The following HTR3B variants were observed in gnomAD, a reference collection of about 807,000 sequenced individuals.
HTR3B encodes 5-hydroxytryptamine receptor 3B.
Under a neutral mutation model 42.8 loss-of-function variants are expected in HTR3B, and 44 were observed. That is an observed-to-expected ratio of 1.03 (90% confidence interval 0.81 to 1.32). HTR3B has a LOEUF of 1.32. Among genes scored for constraint, HTR3B ranks in the 40% most tolerant of loss-of-function variants. HTR3B has a pLI of 0.00. For missense variants in HTR3B, 527 were observed against 536.5 expected (o/e 0.98, Z 0.17); for synonymous variants, 203 against 209.0 (o/e 0.97, Z 0.25).
chr11:113,902,296 T>C (rs1949701792), upstream of HTR3B, among the ~76,000 whole-genome samples: 1 of 152,088 alleles, frequency 6.6e-6, no homozygotes, highest in African/African-American at 2.4e-5. Flanking sequence ...TTTTGTTTTT[T>C]GTTTTTTTTT....
chr11:113,910,097 T>C (rs1348952358), intron 2 of HTR3B, among the ~76,000 whole-genome samples: 1 of 152,136 alleles, frequency 6.6e-6, no homozygotes, highest in Non-Finnish European at 1.5e-5. Flanking sequence ...GGTTCACATT[T>C]ATTATGATAA....
upstream of HTR3B, chr11:113,904,761 G>A (rs969536425): frequency 1.7e-5 from 10 of 596,114 alleles, no homozygotes; most frequent in African/African-American, 3.7e-5. Flanking sequence ...CATGGTGCTG[G>A]TATTGCCTTT....
In HTR3B at chr11:113,944,502, A is replaced by G. The variant is rs2137540765; in HGVS notation, c.908-71A>G. The stretch of plus-strand genomic sequence containing the variant: ...GGCAATAGAGCAAGACCCTGTCCCT[A>G]AAGAAAACAAAAAAATCTGATGCTG... On this transcript the variant is annotated intron_variant, in intron 7 of 8. Coordinates refer to ENST00000260191, the MANE Select transcript of HTR3B (RefSeq NM_006028.5). The G allele has an allele frequency of 2.7e-6, 4 of 1,505,708 alleles. No homozygotes were observed. The South Asian group carries it at 3.7e-5, about 14-fold the overall frequency. 93.3% of individuals were successfully genotyped at this position (1,505,708 alleles called of 1,614,324 possible).
upstream of HTR3B, chr11:113,904,721 T>A (rs1458786661): frequency 5.9e-6 from 3 of 512,720 alleles, no homozygotes; most frequent in Non-Finnish European, 7.0e-6. Flanking sequence ...GTTAAGGGAT[T>A]TCATGACGGC....
At position 113,909,387 on chromosome 11, in the gene HTR3B, C is replaced by T. The variant is rs965260232; in HGVS notation, c.145C>T (p.Pro49Ser). 9 of 1,613,916 alleles carry T rather than the reference C, an allele frequency of 5.6e-6. No individual in the cohort carries two copies. Among genetic ancestry groups the T allele is most frequent in the Non-Finnish European group, 7.6e-6 (9 of 1,179,770 alleles). ...LLQKYHKEVR[P>S]VYNWTKATTV... ...ACAGAAATATCATAAAGAAGTGAGA[C>T]CTGTTTACAACTGGACCAAGGCCAC... is the stretch of plus-strand genomic sequence containing the variant. Residue 49 changes from proline to serine, a missense_variant, in exon 2 of 9, where the codon CCT becomes TCT. By Grantham distance (74) the Pro-to-Ser change is moderately conservative (BLOSUM62 -1). Transcript: ENST00000260191.
At position 113,948,287 on chromosome 11, in the gene HTR3B, C is replaced by T. The variant is rs1308648633; in HGVS notation, c.*2150C>T. 6.6e-6 allele frequency among the ~76,000 whole-genome samples: 1 copy of T among 152,176 alleles called. No individual in the cohort carries two copies. Among genetic ancestry groups the T allele is most frequent in the Non-Finnish European group, 1.5e-5 (1 of 68,040 alleles). On this transcript the variant is annotated 3_prime_UTR_variant, in exon 9 of 9. Coordinates refer to ENST00000260191, the MANE Select transcript of HTR3B (RefSeq NM_006028.5). ...TCGATTCTGGCTTTCTCCACTTCCT[C>T]CTCCAGTTAACAGAGGAGGAAAGGA...
At chr11:113,937,452 C>T (rs924987858) in intron 6 of HTR3B, among the ~76,000 whole-genome samples, 55 of 152,204 alleles carry the variant, frequency 3.6e-4, no homozygotes, top group Non-Finnish European at 2.9e-4. Flanking sequence ...TGACATCTAT[C>T]ACAGATCCCC....
Position 113,932,558 on chromosome 11 carries a change from C to T in HTR3B, c.538+100C>T, listed in dbSNP as rs559462182. On this transcript the variant is annotated intron_variant, in intron 5 of 8. Transcript: ENST00000260191. ...CTATTTTATTCTTGCAGATAATTGGCTATTTAAAAATTGGAATCTCTTCTT... is the reference window on the plus strand; with the variant it reads ...CTATTTTATTCTTGCAGATAATTGGTTATTTAAAAATTGGAATCTCTTCTT... 1.1e-5 allele frequency: 12 copies of T among 1,086,162 alleles called. 1 individual carries two copies. In the South Asian group the frequency reaches 1.7e-4, roughly 15 times the overall value. The allele number at this position is 1,086,162 out of a possible 1,614,324, so 67.3% of individuals were successfully genotyped here. A position where few individuals can be genotyped will look rare whatever the true frequency, so the allele number is the denominator to read the frequency against.
At chr11:113,908,274 A>G (rs1324120070) in intron 1 of HTR3B, among the ~76,000 whole-genome samples, 1 of 152,196 alleles carries the variant, frequency 6.6e-6, no homozygotes, top group Non-Finnish European at 1.5e-5. Flanking sequence ...AAATGGGTAT[A>G]AACAGGATTG....
rs757805325 is a variant in HTR3B, at chr11:113,933,026, T to C, written c.629T>C (p.Leu210Pro). 3 of 1,614,186 alleles carry C rather than the reference T, an allele frequency of 1.9e-6. No individual in the cohort carries two copies. In the Admixed American group the frequency reaches 5.0e-5, roughly 27 times the overall value. ...AFLNDSEWEL[L>P]SVSSTYSILQ... ...TTGAATGACAGTGAGTGGGAACTTCTATCTGTGTCCTCCACATACAGCATC... is the reference window on the plus strand; with the variant it reads ...TTGAATGACAGTGAGTGGGAACTTCCATCTGTGTCCTCCACATACAGCATC... Residue 210 changes from leucine to proline, a missense_variant, in exon 6 of 9, where the codon CTA (leucine) becomes CCA (proline). Coordinates refer to ENST00000260191, the MANE Select transcript of HTR3B (RefSeq NM_006028.5).
intron 4 of HTR3B, among the ~76,000 whole-genome samples, 169 bp downstream of exon 4, chr11:113,932,036 T>G (rs45562036): frequency 0.053 from 8,057 of 152,234 alleles, 276 homozygotes; most frequent in African/African-American, 0.081. Flanking sequence ...TTATTTAAGA[T>G]ACAGATCTGG....
At chr11:113,906,534 G>A (rs1417855824) in intron 1 of HTR3B, among the ~76,000 whole-genome samples, 1 of 152,154 alleles carries the variant, frequency 6.6e-6, no homozygotes, top group Non-Finnish European at 1.5e-5. Context: ...GAAAACACAT[G>A]CAGAAAATAC....
At position 113,932,968 on chromosome 11, in the gene HTR3B, C is replaced by T. The variant is rs769131949; in HGVS notation, c.571C>T (p.Pro191Ser). The T allele has an allele frequency of 1.2e-6, 2 of 1,613,958 alleles. No homozygotes were observed. The highest frequency in any genetic ancestry group is 2.2e-5 in the East Asian group (1 of 44,878). Residue 191 changes from proline (P) to serine (S), a missense_variant, in exon 6 of 9, where the codon CCA becomes TCA. By Grantham distance (74) the Pro-to-Ser change is moderately conservative. Transcript: ENST00000260191. ...EDVDLAFLRS[P>S]EDIQHDKKAF... Reference sequence around the variant, plus strand: ...CGTAGACCTGGCCTTTCTGAGGAGCCCAGAAGACATTCAGCATGACAAAAA... The same window carrying T: ...CGTAGACCTGGCCTTTCTGAGGAGCTCAGAAGACATTCAGCATGACAAAAA...
rs968357493 is a variant in HTR3B at position 113,909,423 on chromosome 11, C to A, written c.181C>A (p.Leu61Met). Residue 61 changes from leucine (L) to methionine (M), a missense_variant, in exon 2 of 9, where the codon CTG becomes ATG. Leu to Met is a conservative substitution (Grantham distance 15). Coordinates refer to ENST00000260191, the MANE Select transcript of HTR3B (RefSeq NM_006028.5). The part of the protein sequence containing the change: ...YNWTKATTVY[L>M]DLFVHAILDV... The stretch of plus-strand genomic sequence containing the variant: ...CTGGACCAAGGCCACCACAGTCTAC[C>A]TGGACCTGTTCGTCCATGCTATATT... 1 of 1,614,122 alleles carries A rather than the reference C, an allele frequency of 6.2e-7. No homozygotes were observed. The highest frequency in any genetic ancestry group is 8.5e-7 in the Non-Finnish European group (1 of 1,179,984).
intron 1 of HTR3B, 128 bp downstream of exon 1, chr11:113,905,113 C>T: frequency 3.0e-6 from 2 of 665,912 alleles, no homozygotes; most frequent in Non-Finnish European, 5.1e-6. Context: ...TGTAAAATGC[C>T]AGTCCTGTGA....
At chr11:113,903,237 T>A (rs1426929009), upstream of HTR3B, among the ~76,000 whole-genome samples, 1 of 152,044 alleles carries the variant, frequency 6.6e-6, no homozygotes. Context: ...TCTCATCTGG[T>A]GTTTCCTCCT....
intron 6 of HTR3B, among the ~76,000 whole-genome samples, chr11:113,936,232 G>T (rs543097292): frequency 6.6e-6 from 1 of 152,224 alleles, no homozygotes; most frequent in Admixed American, 6.5e-5. Flanking sequence ...GTAGAAGTGG[G>T]AGGAGGTAGG....
chr11:113,919,595 G>A (rs753747862), intron 2 of HTR3B, among the ~76,000 whole-genome samples: 3 of 152,218 alleles, frequency 2.0e-5, no homozygotes, highest in African/African-American at 4.8e-5. Flanking sequence ...TTGGGAGGCC[G>A]AGGCAGGTGG....
In HTR3B at chr11:113,948,302, G is replaced by A. The variant is rs1239601214; in HGVS notation, c.*2165G>A. 4.6e-5 allele frequency among the ~76,000 whole-genome samples: 7 copies of A among 152,160 alleles called. No homozygotes were observed. The highest frequency in any genetic ancestry group is 1.2e-4 in the African/African-American group (5 of 41,436). ...TCCACTTCCTCCTCCAGTTAACAGA[G>A]GAGGAAAGGAGGAAAAGGCCTGAGG... On this transcript the variant is annotated 3_prime_UTR_variant, in exon 9 of 9. Transcript: ENST00000260191.
Sources: gnomAD v4.1 joint callset for allele counts (sites outside exome capture counted in the v4.1 genomes callset) on GRCh38, gnomAD v4.1.1 for gene constraint, MANE v1.5 for transcripts, NCBI Gene and HGNC (gene_info 2026-07-23, HGNC 2026-07-21) for gene names.